Variants in ADRA1B observed in about 807,000 individuals in gnomAD.
ADRA1B encodes the protein adrenoceptor alpha 1B, also known as alpha-1B adrenergic receptor.
A neutral mutation model predicts 17.9 loss-of-function variants in ADRA1B; 17 were observed. That is an observed-to-expected ratio of 0.95 (90% CI 0.65 to 1.42). The LOEUF (loss-of-function observed/expected upper bound fraction) is 1.42, where lower values mean the gene tolerates loss of function less well. Among genes scored for constraint, ADRA1B ranks in the 40% most tolerant of loss-of-function variants. ADRA1B has a pLI of 0.00. For missense variants in ADRA1B, 681 were observed against 722.1 expected, an observed-to-expected ratio of 0.94 and a Z score of 0.65; for synonymous variants, 366 against 327.6, an observed-to-expected ratio of 1.12 and a Z score of -1.27.
intron 1 of ADRA1B, among the ~76,000 whole-genome samples, chr5:159,929,866 GTCTA>G (rs1451974517): frequency 1.8e-4 from 28 of 152,188 alleles, no homozygotes; most frequent in Middle Eastern, 6.8e-3. Flanking sequence ...TTCCAAAATA[GTCTA>G]TTTATTTGTA....
chr5:159,904,795 A>G lies in ADRA1B; in HGVS notation c.-255-11324A>G, dbSNP rs966909837. Among the ~76,000 whole-genome samples the G allele has an allele frequency of 5.8e-4, 88 of 152,240 alleles. 1 individual carries two copies. Among genetic ancestry groups the G allele is most frequent in the African/African-American group, 2.1e-3 (88 of 41,458 alleles). On this transcript the variant is annotated intron_variant, in intron 1 of 2. Coordinates refer to the ADRA1B transcript ENST00000641205. ...AGTCCATGACTCTCTTCCCATAAAG[A>G]GCCTTGGGAGAAAGAAATACTTTTA...
chr5:159,985,315 C>A, the ADRA1B span, among the ~76,000 whole-genome samples: 5 of 152,308 alleles, frequency 3.3e-5, no homozygotes, highest in South Asian at 1.0e-3. Flanking sequence ...TTATTTATTT[C>A]TTTATGGGTT....
At chr5:159,869,612 A>G (rs1003390384) in intron 1 of ADRA1B, 3 of 152,244 alleles carry the variant, frequency 2.0e-5, no homozygotes, top group South Asian at 2.1e-4. Context: ...CAGAAGATAC[A>G]CAGTAATATT....
chr5:159,896,587 T>C (rs1374548482), intron 1 of ADRA1B, among the ~76,000 whole-genome samples: 5 of 152,232 alleles, frequency 3.3e-5, no homozygotes, highest in African/African-American at 1.2e-4. Flanking sequence ...AGGTATCCCG[T>C]ATTTCTCAGG....
chr5:159,941,508 C>A (rs529537253), intron 1 of ADRA1B, among the ~76,000 whole-genome samples: 1 of 152,208 alleles, frequency 6.6e-6, no homozygotes, highest in African/African-American at 2.4e-5. Context: ...CCTAATGACC[C>A]AGCAGTCCGA....
At chr5:159,943,972 G>A (rs1477964858) in intron 1 of ADRA1B, among the ~76,000 whole-genome samples, 3 of 150,898 alleles carry the variant, frequency 2.0e-5, no homozygotes, top group Admixed American at 2.0e-4. Flanking sequence ...TCACTCCCCA[G>A]TTTTATTCTT....
chr5:159,883,136 T>C (rs1218694007), intron 1 of ADRA1B, among the ~76,000 whole-genome samples: 3 of 152,200 alleles, frequency 2.0e-5, no homozygotes, highest in African/African-American at 7.2e-5. Flanking sequence ...AAGCTCTCTA[T>C]CTCACAAGTG....
chr5:159,974,969 A>G (rs995226771), downstream of ADRA1B, among the ~76,000 whole-genome samples: 2 of 152,138 alleles, frequency 1.3e-5, no homozygotes, highest in East Asian at 1.9e-4. Flanking sequence ...TGCTTTGTCC[A>G]GTACCTTTTA....
the ADRA1B span, among the ~76,000 whole-genome samples, chr5:159,984,505 C>G: frequency 6.6e-6 from 1 of 152,156 alleles, no homozygotes; most frequent in Non-Finnish European, 1.5e-5. Context: ...TCTTCTCCAG[C>G]CTGAACAACT....
In ADRA1B at chr5:159,971,908, G is replaced by T. The variant is rs773919343; in HGVS notation, c.979G>T (p.Asp327Tyr). ...CTTGTTCTCCACCCTGAAGCCCCCCGACGCCGTGTTCAAGGTGGTGTTCTG... is the reference window on the plus strand; with the variant it reads ...CTTGTTCTCCACCCTGAAGCCCCCCTACGCCGTGTTCAAGGTGGTGTTCTG... ...GSLFSTLKPPDAVFKVVFWLG... is the reference protein window; with the variant it reads ...GSLFSTLKPPYAVFKVVFWLG... Residue 327 changes from aspartate (D) to tyrosine (Y), a missense_variant, in exon 2 of 2, where the codon GAC becomes TAC. Asp to Tyr is a radical substitution (Grantham distance 160). Transcript: ENST00000306675. 2.2e-6 allele frequency: 3 copies of T among 1,356,840 alleles called. No individual in the cohort carries two copies. The highest frequency in any genetic ancestry group is 2.9e-6 in the Non-Finnish European group (3 of 1,049,644). 84.1% of individuals were successfully genotyped at this position (1,356,840 alleles called of 1,614,324 possible).
intron 1 of ADRA1B, among the ~76,000 whole-genome samples, chr5:159,963,354 T>C (rs1755715411): frequency 1.3e-5 from 2 of 150,064 alleles, no homozygotes; most frequent in South Asian, 2.1e-4. Context: ...TGAGCTGCAT[T>C]GTGGTGATTA....
In ADRA1B at chr5:159,917,064, C is replaced by T. The variant is rs763649376; in HGVS notation, c.159C>T (p.Gly53=). ...TRAISVGLVL[G]AFILFAIVGN... ...CCATCTCTGTGGGCCTGGTGCTGGGCGCCTTCATCCTCTTTGCCATCGTGG... is the reference window on the plus strand; with the variant it reads ...CCATCTCTGTGGGCCTGGTGCTGGGTGCCTTCATCCTCTTTGCCATCGTGG... The change falls in exon 1 of 2, where the codon GGC becomes GGT. Residue 53 remains glycine (G), a synonymous_variant. Transcript: ENST00000306675. 1.2e-6 allele frequency: 2 copies of T among 1,614,148 alleles called. No individual in the cohort carries two copies. The highest frequency in any genetic ancestry group is 1.7e-5 in the Admixed American group (1 of 60,016).
At chr5:159,933,498 A>G (rs1420721884) in intron 1 of ADRA1B, among the ~76,000 whole-genome samples, 1 of 152,224 alleles carries the variant, frequency 6.6e-6, no homozygotes, top group African/African-American at 2.4e-5. Flanking sequence ...CTGAGGCACA[A>G]GAAGTTTCAG....
intron 1 of ADRA1B, chr5:159,951,322 C>G (rs1755432769): frequency 7.5e-7 from 1 of 1,337,808 alleles, no homozygotes; most frequent in Admixed American, 1.7e-5. Context: ...TCAGCCTTGA[C>G]AGTGCCATGG....
At chr5:159,956,944 C>T (rs1026594289) in intron 1 of ADRA1B, among the ~76,000 whole-genome samples, 4 of 152,094 alleles carry the variant, frequency 2.6e-5, no homozygotes, top group Non-Finnish European at 5.9e-5. Flanking sequence ...GCAATCTCGG[C>T]TCACTGCCAC....
intron 1 of ADRA1B, among the ~76,000 whole-genome samples, chr5:159,893,722 G>A (rs1446498546): frequency 6.6e-6 from 1 of 152,188 alleles, no homozygotes; most frequent in African/African-American, 2.4e-5. Context: ...GCTGTCTGTG[G>A]AAGGTGGGCA....
At chr5:159,920,506 T>C (rs1754450135) in intron 1 of ADRA1B, among the ~76,000 whole-genome samples, 1 of 152,076 alleles carries the variant, frequency 6.6e-6, no homozygotes, top group Non-Finnish European at 1.5e-5. Flanking sequence ...CTCTTCTCCT[T>C]GCGATGAAAA....
chr5:159,948,392 A>G, intron 1 of ADRA1B: 2 of 985,460 alleles, frequency 2.0e-6, no homozygotes, highest in Non-Finnish European at 2.4e-6. Flanking sequence ...GAAGAAAGGA[A>G]CCTTCACAAA....
intron 1 of ADRA1B, among the ~76,000 whole-genome samples, chr5:159,928,286 C>T (rs1754715134): frequency 6.6e-6 from 1 of 152,174 alleles, no homozygotes; most frequent in Admixed American, 6.5e-5. Context: ...CCCCTCCTGG[C>T]ATGACAGCAC....
Sources: allele counts gnomAD v4.1 joint callset (sites outside exome capture counted in the v4.1 genomes callset), GRCh38; gene constraint gnomAD v4.1.1; transcripts MANE v1.5; gene names NCBI Gene and HGNC (gene_info 2026-07-23, HGNC 2026-07-21).